Variants in MEX3B observed in about 807,000 individuals in gnomAD.
MEX3B encodes the protein mex-3 RNA binding family member B, also known as RNA-binding protein MEX3B.
MEX3B carries 10 observed loss-of-function variants against 12.2 expected under a neutral mutation model. The ratio of observed to expected loss-of-function variants is 0.82; its 90% CI spans 0.51 to 1.40. The LOEUF is 1.40. Among genes scored for constraint, MEX3B ranks in the 40% most tolerant of loss-of-function variants. The pLI is 0.00. For synonymous variants in MEX3B, 498 were observed against 356.3 expected, an observed-to-expected ratio of 1.40 and a Z score of -4.48; for missense variants, 839 against 801.4, an observed-to-expected ratio of 1.05 and a Z score of -0.57.
Position 82,044,216 on chromosome 15 carries a change from T to C in MEX3B, c.654A>G (p.Arg218=), listed in dbSNP as rs750697993. The change falls in exon 2 of 2, where the codon CGA becomes CGG. Residue 218 remains arginine, a synonymous_variant. Coordinates refer to ENST00000329713, the MANE Select transcript of MEX3B (RefSeq NM_032246.6). The surrounding 1 kb of genome is among the most constrained non-coding windows in gnomAD (Gnocchi z 5.3). ...GAGCAATGTGCGCCTCAATCTCCTC[T>C]CGAGCGCGATCCACGTTCTCTGGCA... The part of the protein sequence containing the change: ...TGMPENVDRA[R]EEIEAHIALR... 1.5e-5 allele frequency: 25 copies of C among 1,613,904 alleles called. No individual in the cohort carries two copies. Among genetic ancestry groups the C allele is most frequent in the Non-Finnish European group, 2.1e-5 (25 of 1,180,030 alleles).
rs1411164974 is a variant in MEX3B at position 82,042,389 on chromosome 15, G to A, written c.*771C>T. 1.3e-5 allele frequency: 2 copies of A among 152,360 alleles called. No homozygotes were observed. The highest frequency in any genetic ancestry group is 4.8e-5 in the African/African-American group (2 of 41,344). 9.4% of individuals were successfully genotyped at this position (152,360 alleles called of 1,614,324 possible). A position where few individuals can be genotyped will look rare whatever the true frequency, so the allele number is the denominator to read the frequency against. On this transcript the variant is annotated 3_prime_UTR_variant, in exon 2 of 2. Coordinates refer to ENST00000329713, the MANE Select transcript of MEX3B (RefSeq NM_032246.6). ...ATAATACAGTGTTCTTTGCCATAAG[G>A]CCATACTAAAATAAAAAGATTTAAC...
chr15:82,043,563 G>C lies in MEX3B; in HGVS notation c.1307C>G (p.Thr436Ser). 6.5e-7 allele frequency: 1 copy of C among 1,549,072 alleles called. No individual in the cohort carries two copies. The highest frequency in any genetic ancestry group is 1.2e-5 in the South Asian group (1 of 81,898). Residue 436 changes from threonine to serine, a missense_variant, in exon 2 of 2, where the codon ACC (threonine) becomes AGC (serine). Thr to Ser is a moderately conservative substitution (Grantham distance 58). Around this residue, in one of 3 missense-constraint regions of MEX3B, gnomAD observed 573 missense variants for 488.9 expected, o/e 1.17. Transcript: ENST00000329713. ...GGGTGGAGACAGGCGCGGGCAGCTG[G>C]TGCCAGGGTGCAGCCGGCGGTGCAC... ...LLVHRRLHPG[T>S]SCPRLSPPLH...
Position 82,045,639 on chromosome 15 carries a change from C to CGCT in MEX3B, c.64_66dup (p.Ser22dup), listed in dbSNP as rs1304614801. 5 of 1,582,972 alleles carry CGCT rather than the reference C, an allele frequency of 3.2e-6. No homozygotes were observed. The highest frequency in any genetic ancestry group is 2.3e-5 in the East Asian group (1 of 43,206). ...TGGTCATCCAGGGTCTCTCCCCCTC[C>CGCT]GCTGCTGCCGCCGCCGCCGCCGCCG... On this transcript the variant is annotated inframe_insertion, in exon 1 of 2. Coordinates refer to ENST00000329713, the MANE Select transcript of MEX3B (RefSeq NM_032246.6).
Position 82,044,357 on chromosome 15 carries a change from C to T in MEX3B, c.513G>A (p.Val171=), listed in dbSNP as rs751508439. ...CTTTGGGCCCCACCACGAGCCCCACCACGCGGTAGGGTACCCGCACTTGGA... is the reference window on the plus strand; with the variant it reads ...CTTTGGGCCCCACCACGAGCCCCACTACGCGGTAGGGTACCCGCACTTGGA... ...TTIQVRVPYR[V]VGLVVGPKGA... The change falls in exon 2 of 2, where the codon GTG becomes GTA. Residue 171 remains valine (V), a synonymous_variant. Transcript: ENST00000329713. The surrounding 1 kb of genome is among the most constrained non-coding windows in gnomAD (Gnocchi z 5.3). 6.2e-6 allele frequency: 10 copies of T among 1,611,960 alleles called. No individual in the cohort carries two copies. Among genetic ancestry groups the T allele is most frequent in the Non-Finnish European group, 8.5e-6 (10 of 1,179,812 alleles).
chr15:82,043,276 G>A lies in MEX3B; in HGVS notation c.1594C>T (p.Pro532Ser). The A allele has an allele frequency of 6.2e-7, 1 of 1,612,092 alleles. No homozygotes were observed. ...FESEVIAALV[P>S]CGHNLFCMEC... Reference sequence around the variant, plus strand: ...ATGCAGAAGAGGTTGTGGCCACAGGGCACCAGCGCGGCAATCACTTCGCTC... The same window carrying A: ...ATGCAGAAGAGGTTGTGGCCACAGGACACCAGCGCGGCAATCACTTCGCTC... Residue 532 changes from proline to serine, a missense_variant, in exon 2 of 2, where the codon CCC (proline) becomes TCC (serine). Physicochemically the swap from Pro to Ser is moderately conservative, Grantham distance 74. This residue lies in a region of MEX3B where 573 missense variants were observed against 488.9 expected (regional missense o/e 1.17). Transcript: ENST00000329713.
intron 1 of MEX3B, chr15:82,045,079 TC>T (rs1567017773): frequency 1.7e-6 from 1 of 596,512 alleles, no homozygotes; most frequent in Non-Finnish European, 3.0e-6. Flanking sequence ...TTTGCAGAAA[TC>T]CAGAATCCTC....
Position 82,043,616 on chromosome 15 carries a change from C to T in MEX3B, c.1254G>A (p.Ala418=), listed in dbSNP as rs373975495. 1.3e-6 allele frequency: 2 copies of T among 1,598,130 alleles called. No homozygotes were observed. The highest frequency in any genetic ancestry group is 1.7e-6 in the Non-Finnish European group (2 of 1,172,968). Residue 418 remains alanine (A), a synonymous_variant, in exon 2 of 2, where the codon GCG becomes GCA. Coordinates refer to ENST00000329713, the MANE Select transcript of MEX3B (RefSeq NM_032246.6). ...SVVFPGGGAS[A]PSNANLGLLV... is the part of the protein sequence containing the mutation. ...ATAGCCCCAGGTTGGCGTTGGAGGG[C>T]GCACTGGCGCCACCCCCGGGGAAGA...
At position 82,044,935 on chromosome 15, in the gene MEX3B, T is replaced by C; in HGVS notation, c.257-322A>G. On this transcript the variant is annotated intron_variant, in intron 1 of 1. Coordinates refer to ENST00000329713, the MANE Select transcript of MEX3B (RefSeq NM_032246.6). The surrounding 1 kb of genome is among the most constrained non-coding windows in gnomAD (Gnocchi z 5.3). ...CGCTGGGATCCAGCTGGGCGCGCCG[T>C]CAGCTCTGAAGACACGGGGAAGGGG... 1.8e-6 allele frequency: 1 copy of C among 571,258 alleles called. No individual in the cohort carries two copies. The highest frequency in any genetic ancestry group is 3.1e-6 in the Non-Finnish European group (1 of 320,600). 35.4% of individuals were successfully genotyped at this position (571,258 alleles called of 1,614,324 possible).
intron 1 of MEX3B, 38 bp downstream of exon 1, chr15:82,045,412 A>ACCACCCCCCCCCCCCCCCCC: frequency 6.4e-6 from 10 of 1,573,598 alleles, no homozygotes; most frequent in Non-Finnish European, 8.6e-6. Flanking sequence ...GAGACCCTAC[A>ACCACCCCCCCCCCCCCCCCC]CCACCCCCAC....
In MEX3B at chr15:82,044,399, C is replaced by G. The variant is rs1166090769; in HGVS notation, c.471G>C (p.Leu157=). Residue 157 remains leucine (L), a synonymous_variant, in exon 2 of 2, where the codon CTG becomes CTC. Transcript: ENST00000329713. This position sits in a 1 kb window ranked among gnomAD's most constrained non-coding sequence, Gnocchi z 5.3. The part of the protein sequence containing the change: ...LNGAVPGPPN[L]PGQTTIQVRV... Reference sequence around the variant, plus strand: ...GCACTTGGATGGTGGTCTGCCCGGGCAGGTTGGGCGGCCCAGGCACCGCGC... The same window carrying G: ...GCACTTGGATGGTGGTCTGCCCGGGGAGGTTGGGCGGCCCAGGCACCGCGC... The G allele has an allele frequency of 1.2e-6, 2 of 1,611,088 alleles. No individual in the cohort carries two copies. Among genetic ancestry groups the G allele is most frequent in the Admixed American group, 3.3e-5 (2 of 59,952 alleles).
Position 82,044,025 on chromosome 15 carries a change from G to C in MEX3B, c.845C>G (p.Ser282Cys), listed in dbSNP as rs149327902. ...GCTGGAGCTGTCGTTGCGGTAGCTA[G>C]AGAAAGGCTTGCGGCCGGGGGTGGG... ...ITPTPGRKPF[S>C]SYRNDSSSSL... Residue 282 changes from serine to cysteine, a missense_variant, in exon 2 of 2, where the codon TCT becomes TGT. Ser to Cys is a moderately radical substitution (Grantham distance 112). Transcript: ENST00000329713. The surrounding 1 kb of genome is among the most constrained non-coding windows in gnomAD (Gnocchi z 5.3). 2 of 1,608,446 alleles carry C rather than the reference G, an allele frequency of 1.2e-6. No homozygotes were observed. The highest frequency in any genetic ancestry group is 2.2e-5 in the South Asian group (2 of 91,030).
intron 1 of MEX3B, chr15:82,045,235 G>C (rs1348175405): frequency 1.5e-5 from 10 of 677,312 alleles, no homozygotes; most frequent in Admixed American, 6.5e-5. Flanking sequence ...GATTTTAGCA[G>C]AAGAAAGTGC....
rs146852978 is a variant in MEX3B, at chr15:82,044,277, C to T, written c.593G>A (p.Ser198Asn). Residue 198 changes from serine (S) to asparagine (N), a missense_variant, in exon 2 of 2, where the codon AGC becomes AAC. Ser to Asn is a conservative substitution (Grantham distance 46). Transcript: ENST00000329713. This position sits in a 1 kb window ranked among gnomAD's most constrained non-coding sequence, Gnocchi z 5.3. Reference sequence around the variant, plus strand: ...CTCGAACACCGGCTCCTTATCCCGGCTGGGCGTCACGATGTACGTGTGCGT... The same window carrying T: ...CTCGAACACCGGCTCCTTATCCCGGTTGGGCGTCACGATGTACGTGTGCGT... ...QQTHTYIVTP[S>N]RDKEPVFEVT... 1.9e-6 allele frequency: 3 copies of T among 1,613,910 alleles called. No homozygotes were observed. The highest frequency in any genetic ancestry group is 3.3e-5 in the Admixed American group (2 of 60,028).
At position 82,044,567 on chromosome 15, in the gene MEX3B, C is replaced by A; in HGVS notation, c.303G>T (p.Lys101Asn). ...ALRAKTNTYI[K>N]TPVRGEEPVF... Reference sequence around the variant, plus strand: ...CAGGCTCCTCCCCGCGAACTGGGGTCTTGATGTAAGTATTGGTCTTCGCCC... The same window carrying A: ...CAGGCTCCTCCCCGCGAACTGGGGTATTGATGTAAGTATTGGTCTTCGCCC... The change falls in exon 2 of 2, where the codon AAG (lysine) becomes AAT (asparagine). Residue 101 changes from lysine (K) to asparagine (N), a missense_variant. Around this residue, in one of 3 missense-constraint regions of MEX3B, gnomAD observed 214 missense variants for 223.8 expected, o/e 0.96. Coordinates refer to ENST00000329713, the MANE Select transcript of MEX3B (RefSeq NM_032246.6). This position sits in a 1 kb window ranked among gnomAD's most constrained non-coding sequence, Gnocchi z 5.3. The A allele has an allele frequency of 6.2e-7, 1 of 1,614,182 alleles. No homozygotes were observed.
rs1303680254 is a variant in MEX3B, at chr15:82,044,296, T to A, written c.574A>T (p.Thr192Ser). The part of the protein sequence containing the change: ...TIKRIQQQTH[T>S]YIVTPSRDKE... ...TCCCGGCTGGGCGTCACGATGTACG[T>A]GTGCGTCTGCTGCTGGATGCGCTTG... The change falls in exon 2 of 2, where the codon ACG becomes TCG. Residue 192 changes from threonine (T) to serine (S), a missense_variant. This residue lies in a region of MEX3B where 52 missense variants were observed against 88.7 expected (regional missense o/e 0.59). Coordinates refer to ENST00000329713, the MANE Select transcript of MEX3B (RefSeq NM_032246.6). The surrounding 1 kb of genome is among the most constrained non-coding windows in gnomAD (Gnocchi z 5.3). 1 of 1,613,548 alleles carries A rather than the reference T, an allele frequency of 6.2e-7. No homozygotes were observed. The highest frequency in any genetic ancestry group is 2.2e-5 in the East Asian group (1 of 44,874).
chr15:82,045,866 C>G lies in MEX3B; in HGVS notation c.-161G>C, dbSNP rs2073255670. On this transcript the variant is annotated 5_prime_UTR_variant, in exon 1 of 2. Coordinates refer to ENST00000329713, the MANE Select transcript of MEX3B (RefSeq NM_032246.6). ...TCGGTGCTGGGAGGAGTGGGTCGCT[C>G]CGTGCGGTCCGCACCGGGCAGTGGC... 2.6e-6 allele frequency: 2 copies of G among 759,874 alleles called. No individual in the cohort carries two copies. The highest frequency in any genetic ancestry group is 3.6e-6 in the Non-Finnish European group (2 of 548,116). The allele number at this position is 759,874 out of a possible 1,614,324, so 47.1% of individuals were successfully genotyped here. A position where few individuals can be genotyped will look rare whatever the true frequency, so the allele number is the denominator to read the frequency against.
Position 82,043,366 on chromosome 15 carries a change from TGGA to T in MEX3B, c.1501_1503del (p.Ser508del), listed in dbSNP as rs1242954641. ...AGCCCGGAGGAAGAGGATGAAGAGCTGGAGGAGGAGCTGGACGAAGAGGAGGAG... is the reference window on the plus strand; with the variant it reads ...AGCCCGGAGGAAGAGGATGAAGAGCTGGAGGAGCTGGACGAAGAGGAGGAG... On this transcript the variant is annotated inframe_deletion, in exon 2 of 2. Transcript: ENST00000329713. 6.3e-7 allele frequency: 1 copy of T among 1,590,772 alleles called. No individual in the cohort carries two copies.
Position 82,044,682 on chromosome 15 carries a change from G to T in MEX3B, c.257-69C>A. 6.6e-7 allele frequency: 1 copy of T among 1,522,340 alleles called. No individual in the cohort carries two copies. The allele number at this position is 1,522,340 out of a possible 1,614,324, so 94.3% of individuals were successfully genotyped here. ...ACACGCCCATTATCCTGGGGTAACC[G>T]CGGGGACCGGGGACAGCCCGCGTCC... On this transcript the variant is annotated intron_variant, in intron 1 of 1. Transcript: ENST00000329713. This position sits in a 1 kb window ranked among gnomAD's most constrained non-coding sequence, Gnocchi z 5.3.
In MEX3B at chr15:82,045,931, G is replaced by A; in HGVS notation, c.-226C>T. On this transcript the variant is annotated 5_prime_UTR_variant, in exon 1 of 2. Transcript: ENST00000329713. ...CCTGGGTCCCCACCCCAGACCTGCT[G>A]GCGGGTGGGGTGGGGGCAGAGCTCT... 2.3e-6 allele frequency: 1 copy of A among 428,698 alleles called. No individual in the cohort carries two copies. Among genetic ancestry groups the A allele is most frequent in the Non-Finnish European group, 3.9e-6 (1 of 256,250 alleles). 26.6% of individuals were successfully genotyped at this position (428,698 alleles called of 1,614,324 possible). A position where few individuals can be genotyped will look rare whatever the true frequency, so the allele number is the denominator to read the frequency against.
Sources: allele counts gnomAD v4.1 joint callset, GRCh38; gene constraint gnomAD v4.1.1; regional missense constraint gnomAD v4.1.1; non-coding constraint Gnocchi (gnomAD v3.1); transcripts MANE v1.5; gene names NCBI Gene and HGNC (gene_info 2026-07-23, HGNC 2026-07-21).